HIPK3: variants seen among roughly 807,000 people sequenced by gnomAD.
HIPK3 encodes the protein homeodomain interacting protein kinase 3.
HIPK3 carries 47 observed loss-of-function variants against 124.2 expected under a neutral mutation model. The ratio of observed to expected loss-of-function variants is 0.38; its 90% confidence interval spans 0.30 to 0.48. The LOEUF (loss-of-function observed/expected upper bound fraction) is 0.48. Ranked by LOEUF, HIPK3 falls within the 20% of genes least tolerant of loss-of-function variation. HIPK3 has a pLI of 0.98. For missense variants in HIPK3, 1,286 were observed against 1,454.3 expected (o/e 0.88, Z 1.88); for synonymous variants, 482 against 515.2 (o/e 0.94, Z 0.87).
At chr11:33,301,242 G>A (rs181878403) in intron 2 of HIPK3, among the ~76,000 whole-genome samples, 1 of 152,102 alleles carries the variant, frequency 6.6e-6, no homozygotes, top group African/African-American at 2.4e-5. Context: ...AGTAACCAGA[G>A]TACAACATGT....
Position 33,337,382 on chromosome 11 carries a change from G to C in HIPK3, c.1341+188G>C, listed in dbSNP as rs976393040. Among the ~76,000 whole-genome samples, 3 of 151,050 alleles carry C rather than the reference G, an allele frequency of 2.0e-5. No individual in the cohort carries two copies. The East Asian group carries it at 5.8e-4, about 29-fold the overall frequency. On this transcript the variant is annotated intron_variant, in intron 4 of 16. Coordinates refer to ENST00000303296, the MANE Select transcript of HIPK3 (RefSeq NM_005734.5). The stretch of plus-strand genomic sequence containing the variant: ...TTTAGTTTTTATTTTTTGAGATGGA[G>C]TTTCTCTCTCTCGCCCAGGCTGGAG...
intron 2 of HIPK3, among the ~76,000 whole-genome samples, chr11:33,303,857 G>A (rs780965130): frequency 2.0e-5 from 3 of 152,030 alleles, no homozygotes; most frequent in South Asian, 2.1e-4. Flanking sequence ...CATTTCTTTC[G>A]TGAGAAAACA....
At chr11:33,350,600 G>A (rs1481546432) in intron 14 of HIPK3, among the ~76,000 whole-genome samples, 1 of 151,882 alleles carries the variant, frequency 6.6e-6, no homozygotes, top group East Asian at 1.9e-4. Flanking sequence ...TTTGAGCCCT[G>A]TAATTTGAGG....
At chr11:33,348,254 G>T in intron 12 of HIPK3, 26 bp downstream of exon 12, 2 of 1,593,706 alleles carry the variant, frequency 1.3e-6, no homozygotes, top group South Asian at 2.2e-5. Flanking sequence ...TTGCCCTTTT[G>T]ATTTATTATC....
chr11:33,274,828 A>G (rs528717112), intron 1 of HIPK3, among the ~76,000 whole-genome samples: 1 of 152,258 alleles, frequency 6.6e-6, no homozygotes, highest in Admixed American at 6.5e-5. Flanking sequence ...CAAATGTTGG[A>G]ACATTTTGCT....
intron 3 of HIPK3, among the ~76,000 whole-genome samples, chr11:33,331,855 C>T (rs960043801): frequency 7.2e-5 from 11 of 152,126 alleles, no homozygotes; most frequent in African/African-American, 2.7e-4. Flanking sequence ...CTACTGTTGC[C>T]TCCATTTTAT....
At chr11:33,273,512 CAAAAAAA>C (rs398015727) in intron 1 of HIPK3, among the ~76,000 whole-genome samples, 18 of 48,032 alleles carry the variant, frequency 3.7e-4, no homozygotes, top group African/African-American at 1.6e-3. Flanking sequence ...TCTGTCTCCA[CAAAAAAA>C]AAAAAAAAAA....
chr11:33,315,307 A>G (rs1045360668), intron 2 of HIPK3, among the ~76,000 whole-genome samples: 4 of 152,286 alleles, frequency 2.6e-5, no homozygotes, highest in Middle Eastern at 3.4e-3. Flanking sequence ...ACTCACTGCA[A>G]CCTTGGCCTC....
At chr11:33,267,584 C>T (rs1851004188) in intron 1 of HIPK3, among the ~76,000 whole-genome samples, 1 of 152,028 alleles carries the variant, frequency 6.6e-6, no homozygotes, top group South Asian at 2.1e-4. Context: ...CAAGCTCTGC[C>T]TCCCAGGTTC....
At chr11:33,274,309 T>C (rs1003401537) in intron 1 of HIPK3, among the ~76,000 whole-genome samples, 1 of 152,184 alleles carries the variant, frequency 6.6e-6, no homozygotes, top group African/African-American at 2.4e-5. Context: ...ATATTTTGTA[T>C]TTATCTTTGT....
chr11:33,338,988 T>C (rs1262254466), intron 5 of HIPK3, 145 bp downstream of exon 5: 1 of 531,492 alleles, frequency 1.9e-6, no homozygotes, highest in Non-Finnish European at 3.3e-6. Flanking sequence ...TGATTCTATT[T>C]TCAACCTTTC....
At chr11:33,329,181 G>A (rs1269217160) in intron 3 of HIPK3, among the ~76,000 whole-genome samples, 1 of 151,980 alleles carries the variant, frequency 6.6e-6, no homozygotes, top group Non-Finnish European at 1.5e-5. Flanking sequence ...TAGTTTTCAG[G>A]TATATTCATT....
chr11:33,329,352 A>G (rs1565088437), intron 3 of HIPK3, among the ~76,000 whole-genome samples: 2 of 152,208 alleles, frequency 1.3e-5, no homozygotes, highest in African/African-American at 4.8e-5. Flanking sequence ...CAAAATCAAC[A>G]AAGTAGTTAC....
At chr11:33,265,478 CTATT>C (rs1282869919) in intron 1 of HIPK3, among the ~76,000 whole-genome samples, 1 of 151,900 alleles carries the variant, frequency 6.6e-6, no homozygotes, top group Admixed American at 6.6e-5. Context: ...TGTATGAAAA[CTATT>C]TATCTTATTG....
At position 33,355,796 on chromosome 11, in the gene HIPK3, T is replaced by C. The variant is rs1288301244; in HGVS notation, c.*2228T>C. 1.3e-5 allele frequency: 2 copies of C among 151,954 alleles called. No homozygotes were observed. The highest frequency in any genetic ancestry group is 4.1e-4 in the South Asian group (2 of 4,828). 9.4% of individuals were successfully genotyped at this position (151,954 alleles called of 1,614,324 possible). ...AATTTTCCCCACAAGTTTCAGTGTTTTTAGTAATTAATTCTATGCATTTTA... is the reference window on the plus strand; with the variant it reads ...AATTTTCCCCACAAGTTTCAGTGTTCTTAGTAATTAATTCTATGCATTTTA... On this transcript the variant is annotated 3_prime_UTR_variant, in exon 17 of 17. Transcript: ENST00000303296.
intron 1 of HIPK3, among the ~76,000 whole-genome samples, chr11:33,276,709 ATTC>A (rs971874276): frequency 4.6e-5 from 7 of 152,038 alleles, no homozygotes; most frequent in East Asian, 1.9e-4. Context: ...TTATTTTATT[ATTC>A]TTATTTTTTT....
chr11:33,350,964 T>C (rs1444602209), intron 14 of HIPK3, among the ~76,000 whole-genome samples: 1 of 152,062 alleles, frequency 6.6e-6, no homozygotes, highest in African/African-American at 2.4e-5. Flanking sequence ...AATAAAAATA[T>C]GTATAAAAAG....
chr11:33,276,750 GGCTGGAGT>G (rs1367061788), intron 1 of HIPK3, among the ~76,000 whole-genome samples: 1 of 152,072 alleles, frequency 6.6e-6, no homozygotes, highest in Admixed American at 6.5e-5. Flanking sequence ...CTGTTGCCCA[GGCTGGAGT>G]GCAGTGGCAT....
rs560215044 is a variant in HIPK3 at position 33,330,336 on chromosome 11, T to C, written c.1221+1703T>C. On this transcript the variant is annotated intron_variant, in intron 3 of 16. Coordinates refer to ENST00000303296, the MANE Select transcript of HIPK3 (RefSeq NM_005734.5). Reference sequence around the variant, plus strand: ...GTTTTTTTGTCTTTGTTTGTTTTTCTTTTTTCTTTTGAGATGAAGTCTTGC... The same window carrying C: ...GTTTTTTTGTCTTTGTTTGTTTTTCCTTTTTCTTTTGAGATGAAGTCTTGC... Among the ~76,000 whole-genome samples, 67 of 152,318 alleles carry C rather than the reference T, an allele frequency of 4.4e-4. No individual in the cohort carries two copies. The South Asian group carries it at 0.013, about 31-fold the overall frequency.
Sources: allele counts gnomAD v4.1 joint callset (sites outside exome capture counted in the v4.1 genomes callset), GRCh38; gene constraint gnomAD v4.1.1; transcripts MANE v1.5; gene names NCBI Gene and HGNC (gene_info 2026-07-23, HGNC 2026-07-21).